The following SLC30A4 variants were observed in gnomAD, a reference collection of about 807,000 sequenced individuals.
The protein encoded by SLC30A4 is solute carrier family 30 member 4.
A neutral mutation model predicts 41.7 loss-of-function variants in SLC30A4; 20 were observed. That is an observed-to-expected ratio of 0.48 (90% CI 0.34 to 0.70). The LOEUF is 0.70. SLC30A4 is among the 30% of genes least tolerant of loss of function. SLC30A4 has a pLI of 0.01. For missense variants in SLC30A4, 441 were observed against 529.3 expected, an observed-to-expected ratio of 0.83 and a Z score of 1.64; for synonymous variants, 181 against 195.9, an observed-to-expected ratio of 0.92 and a Z score of 0.64.
chr15:45,521,900 A>G, intron 2 of SLC30A4, 64 bp downstream of exon 2: 6 of 1,525,860 alleles, frequency 3.9e-6, no homozygotes, highest in South Asian at 2.5e-5. Flanking sequence ...AGCCTGTGTA[A>G]CTACAGCTTG....
intron 3 of SLC30A4, among the ~76,000 whole-genome samples, chr15:45,500,435 G>C (rs1213773926): frequency 6.6e-6 from 1 of 152,142 alleles, no homozygotes; most frequent in South Asian, 2.1e-4. Flanking sequence ...TTGAACAAAA[G>C]ATGATTTAGC....
intron 3 of SLC30A4, among the ~76,000 whole-genome samples, chr15:45,504,160 C>A (rs1434354863): frequency 6.6e-6 from 1 of 152,124 alleles, no homozygotes; most frequent in Non-Finnish European, 1.5e-5. Context: ...TCAGTTTAAA[C>A]TGTACAGAAA....
chr15:45,503,059 CTGTT>C (rs1892074026), intron 3 of SLC30A4: 1 of 151,618 alleles, frequency 6.6e-6, no homozygotes, highest in Non-Finnish European at 1.5e-5. Flanking sequence ...ATACATCTGC[CTGTT>C]TGTCTATTAT....
At chr15:45,487,478 T>G in intron 6 of SLC30A4, 49 bp downstream of exon 6, 1 of 910,142 alleles carries the variant, frequency 1.1e-6, no homozygotes, top group Non-Finnish European at 1.8e-6. Flanking sequence ...ACTCCCAATC[T>G]GCTTTAGGGA....
At chr15:45,517,958 C>G (rs1332946117) in intron 2 of SLC30A4, among the ~76,000 whole-genome samples, 1 of 152,060 alleles carries the variant, frequency 6.6e-6, no homozygotes, top group East Asian at 1.9e-4. Flanking sequence ...AAAATAAAAA[C>G]AAAAACAAAA....
rs931707945 is a variant in SLC30A4 at position 45,483,618 on chromosome 15, T to A, written c.*1545A>T. 1 of 152,398 alleles carries A rather than the reference T, an allele frequency of 6.6e-6. No individual in the cohort carries two copies. Among genetic ancestry groups the A allele is most frequent in the Non-Finnish European group, 1.5e-5 (1 of 68,218 alleles). The allele number at this position is 152,398 out of a possible 1,614,324, so 9.4% of individuals were successfully genotyped here. A position where few individuals can be genotyped will look rare whatever the true frequency, so the allele number is the denominator to read the frequency against. On this transcript the variant is annotated 3_prime_UTR_variant, in exon 8 of 8. Transcript: ENST00000261867. The stretch of plus-strand genomic sequence containing the variant: ...CCAGGCATGGTGGCTCATGCTGTAA[T>A]CCCAGCACTCTGGAAGGCCAAGGCA...
chr15:45,516,159 G>C (rs557568182), intron 2 of SLC30A4, among the ~76,000 whole-genome samples: 1 of 152,234 alleles, frequency 6.6e-6, no homozygotes, highest in African/African-American at 2.4e-5. Context: ...TATTATATCT[G>C]ACTGGCTTTT....
At chr15:45,506,489 A>G (rs1289592302) in intron 3 of SLC30A4, among the ~76,000 whole-genome samples, 1 of 152,184 alleles carries the variant, frequency 6.6e-6, no homozygotes, top group African/African-American at 2.4e-5. Context: ...CTCCCCATAG[A>G]ACTTCAAGAG....
chr15:45,521,092 A>G (rs373164191), intron 2 of SLC30A4: 1 of 423,750 alleles, frequency 2.4e-6, no homozygotes, highest in Non-Finnish European at 4.7e-6. Flanking sequence ...CTGGACTGCC[A>G]CCTGTTTTTG....
intron 3 of SLC30A4, among the ~76,000 whole-genome samples, chr15:45,494,347 C>A (rs1891867318): frequency 6.6e-6 from 1 of 152,070 alleles, no homozygotes. Context: ...CAAGGGATTT[C>A]TTGTCAAAGT....
At position 45,482,861 on chromosome 15, in the gene SLC30A4, G is replaced by A. The variant is rs1346818849; in HGVS notation, c.*2302C>T. 1.3e-5 allele frequency: 2 copies of A among 151,550 alleles called. No homozygotes were observed. Among genetic ancestry groups the A allele is most frequent in the African/African-American group, 4.9e-5 (2 of 41,222 alleles). 9.4% of individuals were successfully genotyped at this position (151,550 alleles called of 1,614,324 possible). A position where few individuals can be genotyped will look rare whatever the true frequency, so the allele number is the denominator to read the frequency against. ...GGCTGCAGTGCAATGGTGTGGACAT[G>A]GCTCACTGCAGCCTCAACCTCCTGG... is the stretch of plus-strand genomic sequence containing the variant. On this transcript the variant is annotated 3_prime_UTR_variant, in exon 8 of 8. Coordinates refer to ENST00000261867, the MANE Select transcript of SLC30A4 (RefSeq NM_013309.6).
intron 2 of SLC30A4, chr15:45,512,405 C>T (rs543019518): frequency 5.3e-5 from 8 of 152,282 alleles, no homozygotes; most frequent in Non-Finnish European, 1.0e-4. Flanking sequence ...TGGAACCACA[C>T]TTCGAGAATC....
intron 3 of SLC30A4, among the ~76,000 whole-genome samples, chr15:45,506,348 C>T (rs556324843): frequency 6.6e-6 from 1 of 152,158 alleles, no homozygotes; most frequent in South Asian, 2.1e-4. Flanking sequence ...CAAAATTCAA[C>T]AAGAATGGTA....
At chr15:45,517,734 G>T in intron 2 of SLC30A4, among the ~76,000 whole-genome samples, 1 of 151,758 alleles carries the variant, frequency 6.6e-6, no homozygotes, top group Non-Finnish European at 1.5e-5. Context: ...AGATCACGAG[G>T]TCAGGAGATT....
At chr15:45,513,260 CAGT>C (rs1892354829) in intron 2 of SLC30A4, among the ~76,000 whole-genome samples, 1 of 146,864 alleles carries the variant, frequency 6.8e-6, no homozygotes, top group South Asian at 2.1e-4. Flanking sequence ...GGCAGGAATG[CAGT>C]GATGTGATCA....
chr15:45,489,010 C>T lies in SLC30A4; in HGVS notation c.725G>A (p.Arg242His), dbSNP rs143121086. The T allele has an allele frequency of 2.8e-5, 45 of 1,613,672 alleles. No homozygotes were observed. The highest frequency in any genetic ancestry group is 3.3e-4 in the Middle Eastern group (2 of 6,082). ...MGFLLNQSGH[R>H]HSHSHSLPSN... ...AGGCAGGGAGTGGGAATGGGAGTGA[C>T]GGTGACCAGACTGGTTCAACAGAAA... is the stretch of plus-strand genomic sequence containing the variant. The change falls in exon 5 of 8, where the codon CGT (arginine) becomes CAT (histidine). Residue 242 changes from arginine to histidine, a missense_variant. This residue lies in a region of SLC30A4 where 312 missense variants were observed against 341.9 expected (regional missense o/e 0.91). Transcript: ENST00000261867.
At chr15:45,513,613 A>G (rs1263149881) in intron 2 of SLC30A4, 5 of 152,154 alleles carry the variant, frequency 3.3e-5, no homozygotes, top group African/African-American at 9.7e-5. Flanking sequence ...CATAGCACTT[A>G]TTCAAGAAAA....
intron 3 of SLC30A4, among the ~76,000 whole-genome samples, chr15:45,492,775 T>C (rs1363080093): frequency 6.6e-6 from 1 of 152,156 alleles, no homozygotes; most frequent in African/African-American, 2.4e-5. Flanking sequence ...AATAATCACC[T>C]GTAAATGCAA....
intron 3 of SLC30A4, among the ~76,000 whole-genome samples, chr15:45,505,865 C>T (rs1313232579): frequency 1.3e-5 from 2 of 152,054 alleles, no homozygotes; most frequent in Non-Finnish European, 2.9e-5. Context: ...GAAAGCAAGA[C>T]TTCTCTGTGT....
Sources: gnomAD v4.1 joint callset for allele counts (sites outside exome capture counted in the v4.1 genomes callset) on GRCh38, gnomAD v4.1.1 for gene constraint, gnomAD v4.1.1 regional missense constraint, MANE v1.5 for transcripts, NCBI Gene and HGNC (gene_info 2026-07-23, HGNC 2026-07-21) for gene names.